The following TMEM100 variants were observed in gnomAD, a reference collection of about 807,000 sequenced individuals.
TMEM100 encodes transmembrane protein 100.
For synonymous variants in TMEM100, 61 were observed against 67.1 expected (o/e 0.91, Z 0.44); for missense variants, 137 against 168.2 (o/e 0.81, Z 1.02).
chr17:55,725,146 T>A (rs2144867975), upstream of TMEM100, among the ~76,000 whole-genome samples: 1 of 152,312 alleles, frequency 6.6e-6, no homozygotes, highest in South Asian at 2.1e-4. Flanking sequence ...CAAAGAGAAT[T>A]CCTAGTGATC....
intron 1 of TMEM100, among the ~76,000 whole-genome samples, chr17:55,731,218 T>A (rs902154241): frequency 2.6e-5 from 4 of 152,216 alleles, no homozygotes; most frequent in African/African-American, 9.7e-5. Context: ...TGCAAAACTT[T>A]CTTTACAGCA....
chr17:55,721,223 C>A, intron 1 of TMEM100, 88 bp from the exon 2 acceptor site: 1 of 855,660 alleles, frequency 1.2e-6, no homozygotes, highest in African/African-American at 1.7e-5. Flanking sequence ...CACCTCCTTT[C>A]TAGGAGGCAC....
At chr17:55,721,231 C>T (rs1848131301) in intron 1 of TMEM100, 96 bp from the exon 2 acceptor site, 2 of 792,942 alleles carry the variant, frequency 2.5e-6, no homozygotes, top group Non-Finnish European at 3.8e-6. Flanking sequence ...TTCTAGGAGG[C>T]ACAGATCCAT....
chr17:55,720,541 A>AC lies in TMEM100; in HGVS notation c.*124dup. ...AAAGGAGAAGCCCCTCCACCCTCCC[A>AC]CCCCCATTCTTCCAGTCTGCTCCAA... is the stretch of plus-strand genomic sequence containing the variant. On this transcript the variant is annotated 3_prime_UTR_variant, in exon 2 of 2. Transcript: ENST00000424486. 2.5e-4 allele frequency: 151 copies of AC among 603,240 alleles called. No individual in the cohort carries two copies. The highest frequency in any genetic ancestry group is 3.6e-4 in the Non-Finnish European group (130 of 365,602). The allele number at this position is 603,240 out of a possible 1,614,324, so 37.4% of individuals were successfully genotyped here.
At chr17:55,722,595 T>A (rs942587904) in intron 1 of TMEM100, 24 bp downstream of exon 1, 1 of 152,222 alleles carries the variant, frequency 6.6e-6, no homozygotes, top group East Asian at 1.9e-4. Flanking sequence ...AATCAAGATC[T>A]GTCCCCAAAT....
intron 1 of TMEM100, 72 bp from the exon 2 acceptor site, chr17:55,721,207 G>C: frequency 9.8e-7 from 1 of 1,017,952 alleles, no homozygotes; most frequent in Non-Finnish European, 1.4e-6. Context: ...TGAAAAGCTG[G>C]GGAGGCACCT....
In TMEM100 at chr17:55,720,726, T is replaced by G. The variant is rs1461648957; in HGVS notation, c.345A>C (p.Lys115Asn). Residue 115 changes from lysine to asparagine, a missense_variant, in exon 2 of 2, where the codon AAA becomes AAC. Physicochemically the swap from Lys to Asn is moderately conservative, Grantham distance 94 (BLOSUM62 0). Coordinates refer to ENST00000424486, the MANE Select transcript of TMEM100 (RefSeq NM_018286.3). The part of the protein sequence containing the change: ...LCWKVRQRSK[K>N]AKRRESQTAL... ...CTGTTTGACTCTCCCGTCTCTTGGC[T>G]TTCTTGCTCCTTTGTCTCACTTTCC... 5.0e-6 allele frequency: 8 copies of G among 1,614,038 alleles called. No homozygotes were observed. The highest frequency in any genetic ancestry group is 1.3e-5 in the African/African-American group (1 of 74,936).
chr17:55,722,361 A>G (rs558313716), intron 1 of TMEM100, among the ~76,000 whole-genome samples: 17 of 152,340 alleles, frequency 1.1e-4, no homozygotes, highest in Non-Finnish European at 2.1e-4. Context: ...CTCCAAATCA[A>G]ACCTCACTGG....
chr17:55,731,621 T>C (rs1909207081), intron 1 of TMEM100: 1 of 152,202 alleles, frequency 6.6e-6, no homozygotes, highest in African/African-American at 2.4e-5. Context: ...GGAAGCCTCT[T>C]TTTTAAAAAA....
At chr17:55,722,434 T>C (rs1908923171) in intron 1 of TMEM100, 185 bp downstream of exon 1, 1 of 152,240 alleles carries the variant, frequency 6.6e-6, no homozygotes, top group Non-Finnish European at 1.5e-5. Context: ...ATCTTAGAGC[T>C]GCCTACTCAC....
In TMEM100 at chr17:55,731,260, C is replaced by G. The variant is rs373242832; in HGVS notation, c.-359+411G>C. On this transcript the variant is annotated intron_variant, in intron 1 of 3. Coordinates refer to the TMEM100 transcript ENST00000575734. Reference sequence around the variant, plus strand: ...GGGCTTGATTACCTTATTTTTACAGCGCTAATAGGGCTTGATCATCCTTTT... The same window carrying G: ...GGGCTTGATTACCTTATTTTTACAGGGCTAATAGGGCTTGATCATCCTTTT... Among the ~76,000 whole-genome samples the G allele has an allele frequency of 9.9e-5, 15 of 152,254 alleles. 2 individuals carry two copies. Among genetic ancestry groups the G allele is most frequent in the Admixed American group, 7.2e-4 (11 of 15,302 alleles).
Position 55,730,791 on chromosome 17 carries a change from A to C in TMEM100, c.-359+880T>G, listed in dbSNP as rs544608303. Among the ~76,000 whole-genome samples the C allele has an allele frequency of 3.3e-5, 5 of 152,346 alleles. No individual in the cohort carries two copies. The South Asian group carries it at 1.0e-3, about 32-fold the overall frequency. On this transcript the variant is annotated intron_variant, in intron 1 of 3. Coordinates refer to the TMEM100 transcript ENST00000575734. ...TCAAAATAGAACTGTTTATCTAATG[A>C]ACTTATCTTATGGAACAATGCAGAG...
At chr17:55,721,204 C>A in intron 1 of TMEM100, 69 bp from the exon 2 acceptor site, 2 of 1,077,518 alleles carry the variant, frequency 1.9e-6, no homozygotes, top group East Asian at 5.1e-5. Flanking sequence ...AAATGAAAAG[C>A]TGGGGAGGCA....
chr17:55,725,688 G>A (rs1371823049), upstream of TMEM100, among the ~76,000 whole-genome samples: 1 of 145,418 alleles, frequency 6.9e-6, no homozygotes, highest in East Asian at 2.1e-4. Context: ...CCATGAAAAT[G>A]TAACCCATAT....
chr17:55,724,917 C>T (rs1486351140), upstream of TMEM100, among the ~76,000 whole-genome samples: 1 of 152,216 alleles, frequency 6.6e-6, no homozygotes, highest in African/African-American at 2.4e-5. Flanking sequence ...TCAGGTGCCT[C>T]ATTCACACCA....
At chr17:55,723,770 A>G (rs929434888), upstream of TMEM100, among the ~76,000 whole-genome samples, 12 of 152,110 alleles carry the variant, frequency 7.9e-5, no homozygotes, top group Admixed American at 6.5e-4. Context: ...CTATGTTGAG[A>G]CCTCTGTTCC....
chr17:55,727,683 G>A (rs564260554), upstream of TMEM100: 1 of 152,288 alleles, frequency 6.6e-6, no homozygotes, highest in South Asian at 2.1e-4. Context: ...TCTGATACTG[G>A]AAATTGGAAA....
chr17:55,722,057 T>C (rs1908910280), intron 1 of TMEM100, among the ~76,000 whole-genome samples: 1 of 152,182 alleles, frequency 6.6e-6, no homozygotes, highest in South Asian at 2.1e-4. Context: ...CCTTTGTGTA[T>C]AAAACTTGCT....
chr17:55,730,988 G>C (rs1909192256), intron 1 of TMEM100, among the ~76,000 whole-genome samples: 1 of 152,172 alleles, frequency 6.6e-6, no homozygotes, highest in South Asian at 2.1e-4. Context: ...GATCCCCAGA[G>C]AGTACACAGC....
Sources: allele counts gnomAD v4.1 joint callset (sites outside exome capture counted in the v4.1 genomes callset), GRCh38; gene constraint gnomAD v4.1.1; transcripts MANE v1.5; gene names NCBI Gene and HGNC (gene_info 2026-07-23, HGNC 2026-07-21).